The following TLK1 variants were observed in gnomAD, a reference collection of about 807,000 sequenced individuals.
TLK1 encodes tousled like kinase 1.
A neutral mutation model predicts 105.3 loss-of-function variants in TLK1; 24 were observed. That is an observed-to-expected ratio of 0.23 (90% CI 0.17 to 0.32). The LOEUF is 0.32. Among genes scored for constraint, TLK1 ranks in the 10% least tolerant of loss-of-function variants. TLK1 has a pLI of 1.00. For missense variants in TLK1, 558 were observed against 910.5 expected, an observed-to-expected ratio of 0.61 and a Z score of 4.98; for synonymous variants, 321 against 310.4, an observed-to-expected ratio of 1.03 and a Z score of -0.36.
intron 3 of TLK1, among the ~76,000 whole-genome samples, chr2:171,068,716 C>T (rs1002731330): frequency 3.3e-5 from 5 of 152,176 alleles, no homozygotes; most frequent in South Asian, 4.2e-4. Flanking sequence ...TAAAATAGTA[C>T]GTTGTATAGT....
chr2:171,038,404 GTTTCTAAAGTTTTAGTTTTTC>G (rs1468058605), intron 11 of TLK1, among the ~76,000 whole-genome samples: 1 of 152,022 alleles, frequency 6.6e-6, no homozygotes, highest in African/African-American at 2.4e-5. Context: ...TAGATGATTA[GTTTCTAAAGTTTTAGTTTTTC>G]TTCTTTTCTT....
chr2:171,202,881 T>C (rs1402704331), intron 1 of TLK1, among the ~76,000 whole-genome samples: 2 of 152,208 alleles, frequency 1.3e-5, no homozygotes, highest in African/African-American at 2.4e-5. Flanking sequence ...TTGGACAAAA[T>C]ATTGATCTAA....
chr2:170,998,095 TACCTACCTAC>T (rs1559331657), intron 18 of TLK1, among the ~76,000 whole-genome samples: 25 of 150,622 alleles, frequency 1.7e-4, no homozygotes, highest in Non-Finnish European at 3.3e-4. Flanking sequence ...TCTATCTACC[TACCTACCTAC>T]CTACCACCTA....
At chr2:171,148,890 A>AAAAAAAAAAAT (rs1445171800) in intron 1 of TLK1, among the ~76,000 whole-genome samples, 1 of 138,470 alleles carries the variant, frequency 7.2e-6, no homozygotes, top group African/African-American at 2.7e-5. Flanking sequence ...AAAAAAAAAA[A>AAAAAAAAAAAT]ATATATATAT....
chr2:171,160,158 C>A lies in TLK1; in HGVS notation c.139+132G>T, dbSNP rs1558974977. 1 of 1,053,812 alleles carries A rather than the reference C, an allele frequency of 9.5e-7. No homozygotes were observed. Among genetic ancestry groups the A allele is most frequent in the Non-Finnish European group, 1.2e-6 (1 of 820,484 alleles). 65.3% of individuals were successfully genotyped at this position (1,053,812 alleles called of 1,614,324 possible). A position where few individuals can be genotyped will look rare whatever the true frequency, so the allele number is the denominator to read the frequency against. ...GCCGGGGAGCCGGGCGGCCTCGCGTCCACCTCGCCACCATCCCCCACCCCA... is the reference window on the plus strand; with the variant it reads ...GCCGGGGAGCCGGGCGGCCTCGCGTACACCTCGCCACCATCCCCCACCCCA... On this transcript the variant is annotated intron_variant, in intron 1 of 20. Coordinates refer to ENST00000431350, the MANE Select transcript of TLK1 (RefSeq NM_012290.5). The surrounding 1 kb of genome is among the most constrained non-coding windows in gnomAD (Gnocchi z 4.4).
intron 12 of TLK1, among the ~76,000 whole-genome samples, chr2:171,022,566 T>G (rs1372695616): frequency 6.6e-6 from 1 of 152,192 alleles, no homozygotes; most frequent in Non-Finnish European, 1.5e-5. Flanking sequence ...GCATCTTGTG[T>G]CAGGTTCTAC....
intron 1 of TLK1, among the ~76,000 whole-genome samples, chr2:171,191,749 T>C (rs576032891): frequency 3.3e-5 from 5 of 152,282 alleles, no homozygotes; most frequent in African/African-American, 1.2e-4. Flanking sequence ...CATTGACCTA[T>C]ATTAGCAGTC....
At chr2:171,065,602 ATC>A in intron 3 of TLK1, among the ~76,000 whole-genome samples, 1 of 151,620 alleles carries the variant, frequency 6.6e-6, no homozygotes, top group Non-Finnish European at 1.5e-5. Flanking sequence ...CAGCGGCGCA[ATC>A]TCAGCTCACT....
intron 3 of TLK1, chr2:171,066,873 A>G: frequency 6.4e-7 from 1 of 1,552,544 alleles, no homozygotes; most frequent in Non-Finnish European, 8.7e-7. Flanking sequence ...ATACAAGAAT[A>G]AAACAGCCAT....
intron 12 of TLK1, among the ~76,000 whole-genome samples, chr2:171,022,086 A>AAC (rs557803785): frequency 0.016 from 1,676 of 103,046 alleles, 39 homozygotes; most frequent in African/African-American, 0.043. Context: ...CTGGGCGAAA[A>AAC]ACACACACAC....
intron 1 of TLK1, among the ~76,000 whole-genome samples, chr2:171,221,642 C>T (rs915148180): frequency 7.2e-5 from 11 of 152,184 alleles, no homozygotes; most frequent in Admixed American, 1.3e-4. Context: ...AAACAACACA[C>T]ATTTATTTTC....
chr2:171,133,158 G>C (rs1691170281), intron 1 of TLK1, among the ~76,000 whole-genome samples: 1 of 152,218 alleles, frequency 6.6e-6, no homozygotes, highest in South Asian at 2.1e-4. Flanking sequence ...AAGTACTATA[G>C]CTTCTGCCTT....
chr2:171,127,083 C>G (rs1275722019), intron 1 of TLK1, among the ~76,000 whole-genome samples: 1 of 151,814 alleles, frequency 6.6e-6, no homozygotes, highest in Non-Finnish European at 1.5e-5. Context: ...CAAGACCAGC[C>G]TGGTAAACAT....
chr2:171,222,368 T>A (rs913332558), intron 1 of TLK1, among the ~76,000 whole-genome samples: 5 of 152,228 alleles, frequency 3.3e-5, no homozygotes, highest in African/African-American at 1.2e-4. Context: ...AGGGTCTTGC[T>A]CTGTTGCCGA....
intron 1 of TLK1, among the ~76,000 whole-genome samples, chr2:171,157,759 C>T (rs1375126337): frequency 6.6e-6 from 1 of 152,100 alleles, no homozygotes; most frequent in Admixed American, 6.5e-5. Flanking sequence ...AAAAATAACC[C>T]ATTTTCAAAG....
Position 171,050,177 on chromosome 2 carries a change from A to G in TLK1, c.733-3T>C. 1 of 1,589,238 alleles carries G rather than the reference A, an allele frequency of 6.3e-7. No homozygotes were observed. The highest frequency in any genetic ancestry group is 1.1e-5 in the South Asian group (1 of 88,490). On this transcript the variant is annotated splice_polypyrimidine_tract_variant and splice_region_variant and intron_variant, in intron 8 of 20. Transcript: ENST00000431350. ...TGCCGTCTGAGATCACAGTTAGCCT[A>G]TGACATAAGTAGAAAATGCAAGAGG...
At chr2:171,184,161 C>T (rs4305237) in intron 1 of TLK1, among the ~76,000 whole-genome samples, 6,904 of 152,088 alleles carry the variant, frequency 0.045, 458 homozygotes, top group East Asian at 0.3. Flanking sequence ...AGCCAAGGAA[C>T]GAGGGTGGCT....
intron 3 of TLK1, among the ~76,000 whole-genome samples, chr2:171,074,626 CAAAA>C (rs372844435): frequency 3.3e-5 from 3 of 89,946 alleles, no homozygotes; most frequent in Admixed American, 1.2e-4. Context: ...GACTCTGCCT[CAAAA>C]AAAAAAAAAA....
Position 171,050,879 on chromosome 2 carries a change from A to C in TLK1, c.733-705T>G, listed in dbSNP as rs367624843. ...AGAGCTTCTGAATCAGGTCTCAGGA[A>C]GGACCTGAAAATTTCCGTTTCTAAT... On this transcript the variant is annotated intron_variant, in intron 8 of 20. Coordinates refer to ENST00000431350, the MANE Select transcript of TLK1 (RefSeq NM_012290.5). Among the ~76,000 whole-genome samples, 16 of 152,334 alleles carry C rather than the reference A, an allele frequency of 1.1e-4. No individual in the cohort carries two copies. In the East Asian group the frequency reaches 2.9e-3, roughly 28 times the overall value.
Sources: gnomAD v4.1 joint callset for allele counts (sites outside exome capture counted in the v4.1 genomes callset) on GRCh38, gnomAD v4.1.1 for gene constraint, Gnocchi (gnomAD v3.1) non-coding constraint, MANE v1.5 for transcripts, NCBI Gene and HGNC (gene_info 2026-07-23, HGNC 2026-07-21) for gene names.